SOBP: variants seen among roughly 807,000 people sequenced by gnomAD.
The protein encoded by SOBP is sine oculis-binding protein homolog.
Under a neutral mutation model 53.6 loss-of-function variants are expected in SOBP, and 4 were observed. The observed-to-expected ratio is 0.07, with a 90% confidence interval of 0.04 to 0.17. The LOEUF (loss-of-function observed/expected upper bound fraction) is 0.17. Ranked by LOEUF, SOBP falls within the 10% of genes least tolerant of loss-of-function variation. The pLI is 1.00. For synonymous variants in SOBP, 584 were observed against 522.6 expected (o/e 1.12, Z -1.60); for missense variants, 1,088 against 1,204.7 (o/e 0.90, Z 1.43).
Position 107,529,550 on chromosome 6 carries a change from T to TGC in SOBP, c.422-3909_422-3908insGC, listed in dbSNP as rs1783760328. 6.1e-6 allele frequency: 6 copies of TGC among 985,434 alleles called. No individual in the cohort carries two copies. The African/African-American group carries it at 8.7e-5, about 14-fold the overall frequency. 61.0% of individuals were successfully genotyped at this position (985,434 alleles called of 1,614,324 possible). Reference sequence around the variant, plus strand: ...ATGAAAGTTACAAAGGGGTGGTAAATCTACAGTTTAATTGCCTGGAGTCCA... The same window carrying TGC: ...ATGAAAGTTACAAAGGGGTGGTAAATGCCTACAGTTTAATTGCCTGGAGTCCA... On this transcript the variant is annotated intron_variant, in intron 3 of 6. Transcript: ENST00000317357.
intron 5 of SOBP, among the ~76,000 whole-genome samples, chr6:107,590,935 A>G (rs1465213654): frequency 1.3e-5 from 2 of 152,208 alleles, no homozygotes; most frequent in Admixed American, 6.5e-5. Flanking sequence ...ATTGTACTAG[A>G]CAGTGCAGGT....
At chr6:107,553,203 G>T (rs1784512036) in intron 4 of SOBP, among the ~76,000 whole-genome samples, 3 of 151,918 alleles carry the variant, frequency 2.0e-5, no homozygotes, top group Admixed American at 2.0e-4. Flanking sequence ...TCAGATTGGA[G>T]TCTGTCTCCA....
chr6:107,553,279 A>G (rs1784513811), intron 4 of SOBP, among the ~76,000 whole-genome samples: 1 of 150,144 alleles, frequency 6.7e-6, no homozygotes, highest in Non-Finnish European at 1.5e-5. Context: ...TCTGAAATCC[A>G]CTCACGGGCT....
At chr6:107,556,084 C>A (rs1297873756) in intron 4 of SOBP, among the ~76,000 whole-genome samples, 1 of 152,178 alleles carries the variant, frequency 6.6e-6, no homozygotes, top group Non-Finnish European at 1.5e-5. Flanking sequence ...CCAGAGGGTG[C>A]TCTGTAATAT....
chr6:107,494,867 A>G (rs1462071802), intron 1 of SOBP, among the ~76,000 whole-genome samples: 2 of 152,176 alleles, frequency 1.3e-5, no homozygotes, highest in African/African-American at 4.8e-5. Context: ...GATGGTCTCA[A>G]TTTGGCATTA....
At chr6:107,505,228 C>A (rs1002967170) in intron 2 of SOBP, among the ~76,000 whole-genome samples, 3 of 152,166 alleles carry the variant, frequency 2.0e-5, no homozygotes, top group Admixed American at 2.0e-4. Context: ...CTGGAGGGCA[C>A]GTTTTAGGCT....
chr6:107,500,974 C>G (rs1782831731), intron 1 of SOBP, among the ~76,000 whole-genome samples: 2 of 152,110 alleles, frequency 1.3e-5, no homozygotes, highest in Non-Finnish European at 2.9e-5. Context: ...TTCATGAAAG[C>G]TTTGAGATTT....
intron 1 of SOBP, among the ~76,000 whole-genome samples, chr6:107,499,401 C>T (rs1782779634): frequency 6.6e-6 from 1 of 152,120 alleles, no homozygotes; most frequent in Non-Finnish European, 1.5e-5. Context: ...GATATAGAAA[C>T]ACTGTAAAGT....
rs377103123 is a variant in SOBP, at chr6:107,533,473, A to T, written c.436A>T (p.Asn146Tyr). 4 of 1,613,998 alleles carry T rather than the reference A, an allele frequency of 2.5e-6. No individual in the cohort carries two copies. The highest frequency in any genetic ancestry group is 3.4e-6 in the Non-Finnish European group (4 of 1,180,022). The change falls in exon 4 of 7, where the codon AAT (asparagine) becomes TAT (tyrosine). Residue 146 changes from asparagine to tyrosine, a missense_variant. Around this residue, in one of 6 missense-constraint regions of SOBP, gnomAD observed 112 missense variants for 117.9 expected, o/e 0.95. Transcript: ENST00000317357. ...TTTTATTATAGAAGATGATGTGTCA[A>T]ATGTACAAATAATGTGTGCCTGGTG... Reference protein sequence around the residue: ...IKPPAEDDVSNVQIMCAWCQK... With the variant: ...IKPPAEDDVSYVQIMCAWCQK...
chr6:107,650,232 A>G (rs544536607), intron 6 of SOBP, among the ~76,000 whole-genome samples: 1 of 152,218 alleles, frequency 6.6e-6, no homozygotes, highest in Non-Finnish European at 1.5e-5. Flanking sequence ...CATCACAGTG[A>G]TGAAGCTGCG....
intron 5 of SOBP, among the ~76,000 whole-genome samples, chr6:107,615,956 A>G: frequency 6.6e-6 from 1 of 151,354 alleles, no homozygotes; most frequent in Non-Finnish European, 1.5e-5. Context: ...CAGGAGATCA[A>G]GGCTGCAGCG....
chr6:107,525,081 C>T (rs1783623507), intron 3 of SOBP, among the ~76,000 whole-genome samples: 1 of 152,100 alleles, frequency 6.6e-6, no homozygotes. Context: ...ATGTAAGTAC[C>T]CTATGGGCTT....
intron 4 of SOBP, among the ~76,000 whole-genome samples, chr6:107,546,068 C>T (rs1464893596): frequency 2.0e-5 from 3 of 152,068 alleles, no homozygotes; most frequent in African/African-American, 7.2e-5. Flanking sequence ...GTAAAAAATC[C>T]GTCTCAGGAA....
At chr6:107,492,416 T>C (rs1442170767) in intron 1 of SOBP, among the ~76,000 whole-genome samples, 1 of 152,206 alleles carries the variant, frequency 6.6e-6, no homozygotes, top group African/African-American at 2.4e-5. Flanking sequence ...TGGCAGCTTT[T>C]AAGTTTCATA....
At chr6:107,547,988 T>G (rs1420134733) in intron 4 of SOBP, among the ~76,000 whole-genome samples, 1 of 152,176 alleles carries the variant, frequency 6.6e-6, no homozygotes, top group African/African-American at 2.4e-5. Flanking sequence ...GGAGAGAAGG[T>G]AGACTTACAA....
At chr6:107,587,688 G>C (rs1306166144) in intron 5 of SOBP, among the ~76,000 whole-genome samples, 1 of 152,186 alleles carries the variant, frequency 6.6e-6, no homozygotes. Flanking sequence ...TCAAAGCAGT[G>C]ACAGGGTGCG....
intron 6 of SOBP, among the ~76,000 whole-genome samples, chr6:107,638,115 C>T: frequency 6.6e-6 from 1 of 152,236 alleles, no homozygotes; most frequent in East Asian, 1.9e-4. Flanking sequence ...TTCCTCTTGC[C>T]CTCAGAAGTT....
chr6:107,497,693 G>A (rs1355864960), intron 1 of SOBP, among the ~76,000 whole-genome samples: 1 of 152,054 alleles, frequency 6.6e-6, no homozygotes, highest in Non-Finnish European at 1.5e-5. Context: ...CAATAAAAAT[G>A]TATCTACAGT....
At chr6:107,512,864 A>C (rs993910161) in intron 3 of SOBP, among the ~76,000 whole-genome samples, 1 of 152,218 alleles carries the variant, frequency 6.6e-6, no homozygotes, top group African/African-American at 2.4e-5. Flanking sequence ...ACCACATTTT[A>C]GATCTGAGTC....
Sources: allele counts gnomAD v4.1 joint callset (sites outside exome capture counted in the v4.1 genomes callset), GRCh38; gene constraint gnomAD v4.1.1; regional missense constraint gnomAD v4.1.1; transcripts MANE v1.5; gene names NCBI Gene and HGNC (gene_info 2026-07-23, HGNC 2026-07-21).